AGBL3: variants seen among roughly 807,000 people sequenced by gnomAD.
AGBL3 encodes the protein cytosolic carboxypeptidase 3.
Under a neutral mutation model 94.5 loss-of-function variants are expected in AGBL3, and 68 were observed. The ratio of observed to expected loss-of-function variants is 0.72; its 90% confidence interval spans 0.59 to 0.88. AGBL3 has a LOEUF of 0.88. Ranked by LOEUF, AGBL3 falls within the 40% of genes least tolerant of loss-of-function variation. AGBL3 has a pLI of 0.00. For synonymous variants in AGBL3, 354 were observed against 370.7 expected, an observed-to-expected ratio of 0.95 and a Z score of 0.52; for missense variants, 934 against 1,103.8, an observed-to-expected ratio of 0.85 and a Z score of 2.18.
At chr7:135,007,798 G>C (rs1029497866) in intron 4 of AGBL3, among the ~76,000 whole-genome samples, 2 of 151,970 alleles carry the variant, frequency 1.3e-5, no homozygotes, top group Non-Finnish European at 2.9e-5. Context: ...GAACTAATAT[G>C]AGTTCGGCAA....
chr7:135,061,624 C>G (rs1314426479), intron 12 of AGBL3, among the ~76,000 whole-genome samples: 1 of 152,102 alleles, frequency 6.6e-6, no homozygotes, highest in Non-Finnish European at 1.5e-5. Context: ...ATTGTCCTAA[C>G]AGCATTTATT....
intron 12 of AGBL3, among the ~76,000 whole-genome samples, chr7:135,061,732 A>G (rs1291199858): frequency 6.6e-6 from 1 of 151,964 alleles, no homozygotes; most frequent in Non-Finnish European, 1.5e-5. Flanking sequence ...ATTTCATTCT[A>G]TTGGTTTATG....
chr7:135,128,835 G>C, intron 16 of AGBL3: 1 of 1,168,722 alleles, frequency 8.6e-7, no homozygotes, highest in Non-Finnish European at 1.3e-6. Context: ...CTGTGTGCAG[G>C]ATGTGGAATC....
chr7:135,098,928 G>A (rs1231665285), intron 15 of AGBL3, among the ~76,000 whole-genome samples: 1 of 152,042 alleles, frequency 6.6e-6, no homozygotes, highest in Non-Finnish European at 1.5e-5. Context: ...GAGCTAAAAT[G>A]TGTATCAGAG....
intron 16 of AGBL3, among the ~76,000 whole-genome samples, chr7:135,124,889 A>C (rs1827644555): frequency 6.6e-6 from 1 of 152,226 alleles, no homozygotes; most frequent in East Asian, 1.9e-4. Flanking sequence ...TCTGGGACAC[A>C]GCTAAAGCAT....
At chr7:135,068,695 T>C (rs567020564) in intron 12 of AGBL3, among the ~76,000 whole-genome samples, 4 of 152,300 alleles carry the variant, frequency 2.6e-5, no homozygotes, top group African/African-American at 9.6e-5. Flanking sequence ...TGAGAGATTT[T>C]TGTCACCAGC....
At chr7:135,094,679 G>C (rs143273632) in intron 15 of AGBL3, 1 of 365,334 alleles carries the variant, frequency 2.7e-6, no homozygotes, top group Non-Finnish European at 5.3e-6. Flanking sequence ...TCTAAAAGGA[G>C]AAAATCAATA....
At position 135,017,112 on chromosome 7, in the gene AGBL3, T is replaced by C; in HGVS notation, c.371T>C (p.Leu124Pro). 1.9e-6 allele frequency: 3 copies of C among 1,551,216 alleles called. No homozygotes were observed. Among genetic ancestry groups the C allele is most frequent in the Non-Finnish European group, 1.7e-6 (2 of 1,146,164 alleles). Residue 124 changes from leucine (L) to proline (P), a missense_variant, in exon 5 of 17, where the codon CTT (leucine) becomes CCT (proline). Leu to Pro is a moderately conservative substitution (Grantham distance 98). Coordinates refer to ENST00000436302, the MANE Select transcript of AGBL3 (RefSeq NM_178563.4). The stretch of plus-strand genomic sequence containing the variant: ...CCAACGGGCTTAGAAACGGAACCCC[T>C]TTATCCAGACTCCAAGGAAGCTACT... ...YIPTGLETEP[L>P]YPDSKEATVV...
At chr7:134,995,676 G>C (rs1054037590) in intron 4 of AGBL3, 1 of 152,160 alleles carries the variant, frequency 6.6e-6, no homozygotes, top group Non-Finnish European at 1.5e-5. Flanking sequence ...TGTGAATCCA[G>C]CCTCCACCCT....
rs1355134211 is a variant in AGBL3, at chr7:135,044,461, T to C, written c.1627+310T>C. Among the ~76,000 whole-genome samples the C allele has an allele frequency of 5.3e-5, 8 of 152,256 alleles. No homozygotes were observed. The East Asian group carries it at 1.4e-3, about 26-fold the overall frequency. ...CAGATTTTTTAAAAATATTTTTTAT[T>C]GGATTTGCTATTTGCAAGGCAAAAT... On this transcript the variant is annotated intron_variant, in intron 9 of 16. Transcript: ENST00000436302.
rs149735137 is a variant in AGBL3 at position 135,101,828 on chromosome 7, G to C, written c.2111-13552G>C. On this transcript the variant is annotated intron_variant, in intron 15 of 16. Coordinates refer to ENST00000436302, the MANE Select transcript of AGBL3 (RefSeq NM_178563.4). ...CACCCAAATCTCATCTTCAATTATAGCTCCCATAATTCCCACATGTTGTGG... is the reference window on the plus strand; with the variant it reads ...CACCCAAATCTCATCTTCAATTATACCTCCCATAATTCCCACATGTTGTGG... Among the ~76,000 whole-genome samples the C allele has an allele frequency of 3.8e-3, 571 of 152,236 alleles. 3 individuals are homozygous for C. Among genetic ancestry groups the C allele is most frequent in the Non-Finnish European group, 6.6e-3 (451 of 68,010 alleles).
rs77711813 is a variant in AGBL3 at position 135,057,428 on chromosome 7, T to A, written c.1842-1741T>A. ...AAGATGGTTGAAAACTGAAAAAAAA[T>A]AAAAAGATGCTTGCCATCATTTTCA... is the stretch of plus-strand genomic sequence containing the variant. On this transcript the variant is annotated intron_variant, in intron 11 of 16. Transcript: ENST00000436302. Among the ~76,000 whole-genome samples, 7 of 16,330 alleles carry A rather than the reference T, an allele frequency of 4.3e-4. No individual in the cohort carries two copies. In the East Asian group the frequency reaches 0.038, roughly 88 times the overall value. 10.7% of individuals were successfully genotyped at this position (16,330 alleles called of 152,430 possible).
At chr7:135,063,233 C>G (rs1467753719) in intron 12 of AGBL3, among the ~76,000 whole-genome samples, 1 of 151,188 alleles carries the variant, frequency 6.6e-6, no homozygotes. Flanking sequence ...TTATCTGAGT[C>G]TTCTCTCTCT....
chr7:135,103,893 G>A (rs1466013279), intron 15 of AGBL3, among the ~76,000 whole-genome samples: 1 of 151,716 alleles, frequency 6.6e-6, no homozygotes, highest in African/African-American at 2.4e-5. Flanking sequence ...TTTTTTTAAT[G>A]TAAGGATGTT....
rs141514066 is a variant in AGBL3 at position 135,059,629 on chromosome 7, G to A, written c.1908+394G>A. Among the ~76,000 whole-genome samples, 22 of 152,300 alleles carry A rather than the reference G, an allele frequency of 1.4e-4. No individual in the cohort carries two copies. The East Asian group carries it at 3.9e-3, about 27-fold the overall frequency. On this transcript the variant is annotated intron_variant, in intron 12 of 16. Transcript: ENST00000436302. Reference sequence around the variant, plus strand: ...GAGCAGTCAACAAAATGAGACAACAGCTTTCCCTTTGTTATCTTACATTCT... The same window carrying A: ...GAGCAGTCAACAAAATGAGACAACAACTTTCCCTTTGTTATCTTACATTCT...
At chr7:135,100,165 C>T (rs961804179) in intron 15 of AGBL3, 4 of 150,470 alleles carry the variant, frequency 2.7e-5, no homozygotes, top group Non-Finnish European at 4.4e-5. Context: ...GGATTACAGG[C>T]GTGAGCCACT....
intron 4 of AGBL3, among the ~76,000 whole-genome samples, chr7:135,002,691 C>T (rs1811871883): frequency 6.6e-6 from 1 of 152,192 alleles, no homozygotes; most frequent in African/African-American, 2.4e-5. Context: ...AGGGTTTGGA[C>T]AACCTAGGCC....
intron 15 of AGBL3, among the ~76,000 whole-genome samples, chr7:135,082,550 C>T (rs1278289153): frequency 7.4e-6 from 1 of 134,268 alleles, no homozygotes. Flanking sequence ...ACTAGTTTTC[C>T]ATTAATGCAG....
chr7:135,006,848 A>T (rs59354167), intron 4 of AGBL3, among the ~76,000 whole-genome samples: 26,742 of 151,808 alleles, frequency 0.18, 2,328 homozygotes, highest in Non-Finnish European at 0.19. Context: ...TGTCCTGATA[A>T]TCTTGTGCTA....
Sources: allele counts gnomAD v4.1 joint callset (sites outside exome capture counted in the v4.1 genomes callset), GRCh38; gene constraint gnomAD v4.1.1; transcripts MANE v1.5; gene names NCBI Gene and HGNC (gene_info 2026-07-23, HGNC 2026-07-21).